PTPRT: variants seen among roughly 807,000 people sequenced by gnomAD.
The protein encoded by PTPRT is receptor-type tyrosine-protein phosphatase T.
A neutral mutation model predicts 176.8 loss-of-function variants in PTPRT; 56 were observed. That is an observed-to-expected ratio of 0.32 (90% CI 0.26 to 0.40). The LOEUF (loss-of-function observed/expected upper bound fraction) is 0.40, where lower values mean the gene tolerates loss of function less well. PTPRT is among the 10% of genes least tolerant of loss of function. PTPRT has a pLI of 1.00. For synonymous variants in PTPRT, 783 were observed against 739.0 expected (o/e 1.06, Z -0.96); for missense variants, 1,540 against 1,908.2 (o/e 0.81, Z 3.60).
At chr20:42,108,882 C>A (rs2146281953) in intron 23 of PTPRT, among the ~76,000 whole-genome samples, 1 of 152,376 alleles carries the variant, frequency 6.6e-6, no homozygotes, top group Non-Finnish European at 1.5e-5. Flanking sequence ...TAAGGAGACA[C>A]ATACCGGCGT....
chr20:42,981,506 G>A (rs896941635), intron 1 of PTPRT, among the ~76,000 whole-genome samples: 12 of 152,224 alleles, frequency 7.9e-5, no homozygotes, highest in African/African-American at 1.2e-4. Flanking sequence ...AAGTACTTGC[G>A]CATTGGGCTT....
intron 1 of PTPRT, among the ~76,000 whole-genome samples, chr20:43,136,349 C>T (rs2013833061): frequency 6.6e-6 from 1 of 152,196 alleles, no homozygotes; most frequent in Admixed American, 6.5e-5. Context: ...GCTTTACTGC[C>T]TAGAAGAAAG....
At chr20:42,134,350 GGA>G (rs1324240493) in intron 18 of PTPRT, among the ~76,000 whole-genome samples, 1 of 152,194 alleles carries the variant, frequency 6.6e-6, no homozygotes, top group African/African-American at 2.4e-5. Context: ...TTCAAGACAA[GGA>G]GAGGAGTTAA....
rs1270557993 is a variant in PTPRT, at chr20:42,482,888, G to A, written c.1154-10326C>T. 2.0e-5 allele frequency among the ~76,000 whole-genome samples: 3 copies of A among 152,156 alleles called. No homozygotes were observed. In the East Asian group the frequency reaches 5.8e-4, roughly 29 times the overall value. The stretch of plus-strand genomic sequence containing the variant: ...GTTAACAAAAATAGACATAATTCCT[G>A]CCTCCTTTGCACTAAATCTGGTGAG... On this transcript the variant is annotated intron_variant, in intron 7 of 30. Transcript: ENST00000373187.
At chr20:42,067,485 C>G in the PTPRT span, among the ~76,000 whole-genome samples, 9 of 152,144 alleles carry the variant, frequency 5.9e-5, no homozygotes, top group Non-Finnish European at 8.8e-5. Context: ...ACTCTCCACC[C>G]CACTGGTCAA....
chr20:42,359,438 G>A (rs1448852311), intron 9 of PTPRT, among the ~76,000 whole-genome samples: 1 of 152,188 alleles, frequency 6.6e-6, no homozygotes, highest in African/African-American at 2.4e-5. Flanking sequence ...CCCCAGACCT[G>A]AGCCTCCTAA....
At chr20:42,437,032 T>A (rs371879872) in intron 9 of PTPRT, among the ~76,000 whole-genome samples, 2 of 152,200 alleles carry the variant, frequency 1.3e-5, no homozygotes, top group African/African-American at 4.8e-5. Flanking sequence ...ACAGGAATTA[T>A]ATACAAGATT....
chr20:42,263,286 C>T (rs2056782022), intron 13 of PTPRT, among the ~76,000 whole-genome samples: 1 of 150,316 alleles, frequency 6.7e-6, no homozygotes, highest in Non-Finnish European at 1.5e-5. Flanking sequence ...GTGGCATGAA[C>T]ATGGCTCACT....
At chr20:42,626,155 T>G (rs1046286557) in intron 7 of PTPRT, among the ~76,000 whole-genome samples, 1 of 152,098 alleles carries the variant, frequency 6.6e-6, no homozygotes, top group Non-Finnish European at 1.5e-5. Context: ...GTCAAATTAC[T>G]TGTATATATT....
At chr20:42,913,256 T>G (rs905164735) in intron 1 of PTPRT, among the ~76,000 whole-genome samples, 5 of 152,210 alleles carry the variant, frequency 3.3e-5, no homozygotes, top group Non-Finnish European at 5.9e-5. Flanking sequence ...CTTACAGTTC[T>G]GGAAGCTAGA....
intron 6 of PTPRT, among the ~76,000 whole-genome samples, chr20:42,703,081 C>T (rs931904769): frequency 2.0e-5 from 3 of 152,188 alleles, no homozygotes; most frequent in African/African-American, 7.2e-5. Flanking sequence ...GATGGACACA[C>T]GACCCAATTC....
intron 1 of PTPRT, among the ~76,000 whole-genome samples, chr20:43,108,421 A>T (rs2012710906): frequency 6.6e-6 from 1 of 152,182 alleles, no homozygotes; most frequent in Non-Finnish European, 1.5e-5. Context: ...CCATATTCTC[A>T]TCACAGACCT....
At chr20:42,604,554 C>G (rs998873638) in intron 7 of PTPRT, among the ~76,000 whole-genome samples, 1 of 152,084 alleles carries the variant, frequency 6.6e-6, no homozygotes, top group African/African-American at 2.4e-5. Context: ...TTACCTAGCA[C>G]TAATGTGGGT....
At chr20:42,178,147 A>C (rs1990370774) in intron 16 of PTPRT, among the ~76,000 whole-genome samples, 1 of 152,134 alleles carries the variant, frequency 6.6e-6, no homozygotes, top group African/African-American at 2.4e-5. Flanking sequence ...TGTGTTGGCC[A>C]GGCTGTTCTC....
chr20:42,342,353 C>A (rs1467345100), intron 11 of PTPRT, among the ~76,000 whole-genome samples: 1 of 152,128 alleles, frequency 6.6e-6, no homozygotes, highest in African/African-American at 2.4e-5. Context: ...TGATTTTAGG[C>A]ATGGCTAAAA....
intron 9 of PTPRT, among the ~76,000 whole-genome samples, chr20:42,385,613 C>A (rs2058737328): frequency 6.6e-6 from 1 of 152,144 alleles, no homozygotes; most frequent in Non-Finnish European, 1.5e-5. Context: ...ATACCTGAGA[C>A]TTGGTTATTT....
intron 1 of PTPRT, among the ~76,000 whole-genome samples, chr20:43,147,535 G>A (rs2014206839): frequency 6.6e-6 from 1 of 152,164 alleles, no homozygotes; most frequent in Admixed American, 6.5e-5. Flanking sequence ...TGTTTGCTGA[G>A]CACATGAAGG....
chr20:42,780,889 T>TA (rs1220260688), intron 3 of PTPRT, among the ~76,000 whole-genome samples: 2 of 152,160 alleles, frequency 1.3e-5, no homozygotes, highest in African/African-American at 4.8e-5. Context: ...GTAATGCATT[T>TA]AGCTTCCCTC....
chr20:42,925,949 T>C (rs893593126), intron 1 of PTPRT, among the ~76,000 whole-genome samples: 1 of 152,200 alleles, frequency 6.6e-6, no homozygotes. Flanking sequence ...CAGCTCCATA[T>C]AAGGTCTTTA....
Sources: gnomAD v4.1 joint callset for allele counts (sites outside exome capture counted in the v4.1 genomes callset) on GRCh38, gnomAD v4.1.1 for gene constraint, MANE v1.5 for transcripts, NCBI Gene and HGNC (gene_info 2026-07-23, HGNC 2026-07-21) for gene names.